Variants in CCDC92 observed in about 807,000 individuals in gnomAD.
CCDC92 encodes coiled-coil domain-containing protein 92.
A neutral mutation model predicts 24.9 loss-of-function variants in CCDC92; 12 were observed. That is an observed-to-expected ratio of 0.48 (90% CI 0.31 to 0.78). The LOEUF is 0.78. CCDC92 is among the 30% of genes least tolerant of loss of function. The pLI is 0.05. For synonymous variants in CCDC92, 193 were observed against 196.3 expected (o/e 0.98, Z 0.14); for missense variants, 399 against 439.4 (o/e 0.91, Z 0.82).
At chr12:123,957,256 T>C (rs113137107) in intron 1 of CCDC92, among the ~76,000 whole-genome samples, 1,910 of 152,366 alleles carry the variant, frequency 0.013, 31 homozygotes, top group African/African-American at 0.042. Flanking sequence ...TTCAGCTTCT[T>C]CTGGTTGATC....
intron 3 of CCDC92, among the ~76,000 whole-genome samples, chr12:123,943,083 A>G (rs2137920477): frequency 6.6e-6 from 1 of 152,322 alleles, no homozygotes; most frequent in Middle Eastern, 3.4e-3. Context: ...CACAGGCTAT[A>G]TCTTGGTTAT....
intron 1 of CCDC92, chr12:123,945,373 T>A (rs1955814419): frequency 6.6e-6 from 1 of 152,088 alleles, no homozygotes; most frequent in Non-Finnish European, 1.5e-5. Context: ...AGACACTAGT[T>A]TCTAAGTGGA....
chr12:123,948,239 C>T (rs745653719), intron 1 of CCDC92, among the ~76,000 whole-genome samples: 15 of 152,228 alleles, frequency 9.9e-5, no homozygotes, highest in South Asian at 8.3e-4. Flanking sequence ...TTTTCTTCTA[C>T]GCTCTCCCAC....
intron 1 of CCDC92, chr12:123,946,580 T>A (rs1249405092): frequency 6.6e-6 from 1 of 152,474 alleles, no homozygotes; most frequent in Non-Finnish European, 1.5e-5. Context: ...GTTTCCCGCC[T>A]CCTCGCACAG....
At chr12:123,940,230 G>C (rs1329273792) in intron 4 of CCDC92, among the ~76,000 whole-genome samples, 1 of 152,236 alleles carries the variant, frequency 6.6e-6, no homozygotes, top group Non-Finnish European at 1.5e-5. Context: ...TGCAGGTTCA[G>C]AGATGTCAAA....
chr12:123,955,714 C>T (rs1956134921), intron 1 of CCDC92, among the ~76,000 whole-genome samples: 1 of 152,056 alleles, frequency 6.6e-6, no homozygotes, highest in East Asian at 1.9e-4. Flanking sequence ...AAACTCCTGG[C>T]CTCAAGTGAT....
intron 1 of CCDC92, chr12:123,962,641 G>A (rs1396799124): frequency 3.2e-5 from 5 of 153,956 alleles, no homozygotes; most frequent in Non-Finnish European, 5.9e-5. Context: ...GGCGGAACAG[G>A]ATGGGGAGTA....
At chr12:123,943,647 T>C in intron 2 of CCDC92, 154 bp from the exon 3 acceptor site, 1 of 780,470 alleles carries the variant, frequency 1.3e-6, no homozygotes, top group South Asian at 1.7e-5. Flanking sequence ...GCACCAGGGC[T>C]ACATTCCCAT....
Position 123,936,400 on chromosome 12 carries a change from A to G in CCDC92, c.*658T>C, listed in dbSNP as rs1258832232. ...GTTTGTTTAATAAAAGACACAAAAC[A>G]GAAGGAAGGCAGGTTTAGAAAATAA... is the stretch of plus-strand genomic sequence containing the variant. On this transcript the variant is annotated 3_prime_UTR_variant, in exon 5 of 5. Transcript: ENST00000238156. 2 of 152,862 alleles carry G rather than the reference A, an allele frequency of 1.3e-5. No individual in the cohort carries two copies. The highest frequency in any genetic ancestry group is 2.9e-5 in the Non-Finnish European group (2 of 68,304). 9.5% of individuals were successfully genotyped at this position (152,862 alleles called of 1,614,324 possible).
chr12:123,947,368 G>C (rs1955902945), intron 1 of CCDC92, among the ~76,000 whole-genome samples: 1 of 152,226 alleles, frequency 6.6e-6, no homozygotes, highest in South Asian at 2.1e-4. Context: ...GGACTGGCAG[G>C]CAGCTCCACC....
chr12:123,958,334 T>C (rs1268128768), intron 1 of CCDC92, among the ~76,000 whole-genome samples: 1 of 152,228 alleles, frequency 6.6e-6, no homozygotes, highest in Non-Finnish European at 1.5e-5. Context: ...ATTACAGGCA[T>C]GAGCCACCAC....
chr12:123,961,265 C>A (rs1439493621), intron 1 of CCDC92: 1 of 152,176 alleles, frequency 6.6e-6, no homozygotes, highest in Non-Finnish European at 1.5e-5. Flanking sequence ...TTGTAGCATT[C>A]CTGGTACCTA....
chr12:123,971,223 T>C (rs1329171127), intron 1 of CCDC92, among the ~76,000 whole-genome samples: 1 of 152,212 alleles, frequency 6.6e-6, no homozygotes, highest in Non-Finnish European at 1.5e-5. Context: ...GTGGTGTGTA[T>C]GGATATGTAC....
At chr12:123,946,706 T>G (rs963289207) in intron 1 of CCDC92, 3 of 152,436 alleles carry the variant, frequency 2.0e-5, no homozygotes, top group Admixed American at 2.0e-4. Context: ...CAGAGGAATG[T>G]AAGGGCTTCA....
At chr12:123,943,785 T>G in intron 2 of CCDC92, 1 of 500,184 alleles carries the variant, frequency 2.0e-6, no homozygotes, top group Non-Finnish European at 3.6e-6. Flanking sequence ...ACAAAGTCAT[T>G]TCCCTTTACT....
Position 123,936,994 on chromosome 12 carries a change from G to T in CCDC92, c.*64C>A. 1 of 1,571,658 alleles carries T rather than the reference G, an allele frequency of 6.4e-7. No homozygotes were observed. The highest frequency in any genetic ancestry group is 8.7e-7 in the Non-Finnish European group (1 of 1,149,806). On this transcript the variant is annotated 3_prime_UTR_variant, in exon 5 of 5. Transcript: ENST00000238156. ...ATGCATGGGATTAAACAGAAAAGGT[G>T]TGGCTGAGATTTCCCAGTGGTGCTC...
intron 1 of CCDC92, among the ~76,000 whole-genome samples, chr12:123,959,281 C>T (rs1270707798): frequency 6.6e-6 from 1 of 152,084 alleles, no homozygotes. Context: ...TCTCTGTTGT[C>T]CAATAAAGCA....
Position 123,937,497 on chromosome 12 carries a change from A to C in CCDC92, c.557T>G (p.Leu186Arg). Residue 186 changes from leucine (L) to arginine (R), a missense_variant, in exon 5 of 5, where the codon CTG becomes CGG. Transcript: ENST00000238156. This position sits in a 1 kb window ranked among gnomAD's most constrained non-coding sequence, Gnocchi z 8.4. ...GGGGGGCGCTGGCTTGTAGCTGGCC[A>C]GCACGGGGCTCCCTGACGGGCTGGC... Reference protein sequence around the residue: ...SDASPSGSPVLASYKPAPPKD... With the variant: ...SDASPSGSPVRASYKPAPPKD... 6.2e-7 allele frequency: 1 copy of C among 1,612,744 alleles called. No individual in the cohort carries two copies. The highest frequency in any genetic ancestry group is 8.5e-7 in the Non-Finnish European group (1 of 1,179,976).
rs1159467419 is a variant in CCDC92, at chr12:123,942,803, C to T, written c.182-18G>A. 2 of 1,589,266 alleles carry T rather than the reference C, an allele frequency of 1.3e-6. No individual in the cohort carries two copies. The highest frequency in any genetic ancestry group is 2.7e-5 in the African/African-American group (2 of 74,422). ...TGTTAAATCTAAAAGGGAAATGTTA[C>T]ACATTAATTCTTTTACTGTACATTT... On this transcript the variant is annotated intron_variant, in intron 3 of 4. Transcript: ENST00000238156.
Sources: gnomAD v4.1 joint callset for allele counts (sites outside exome capture counted in the v4.1 genomes callset) on GRCh38, gnomAD v4.1.1 for gene constraint, Gnocchi (gnomAD v3.1) non-coding constraint, MANE v1.5 for transcripts, NCBI Gene and HGNC (gene_info 2026-07-23, HGNC 2026-07-21) for gene names.